Variants in RBM19 observed in about 807,000 individuals in gnomAD.
RBM19 encodes the protein RNA binding motif protein 19, also known as probable RNA-binding protein 19.
A neutral mutation model predicts 116.8 loss-of-function variants in RBM19; 94 were observed. The ratio of observed to expected loss-of-function variants is 0.80; its 90% CI spans 0.68 to 0.95. The LOEUF (loss-of-function observed/expected upper bound fraction) is 0.95, where lower values mean the gene tolerates loss of function less well. Ranked by LOEUF, RBM19 falls within the 40% of genes least tolerant of loss-of-function variation. The probability of loss-of-function intolerance (pLI) is 0.00; values close to 1 mark genes in which losing one functional copy is unlikely to be tolerated. For missense variants in RBM19, 1,161 were observed against 1,220.7 expected (o/e 0.95, Z 0.73); for synonymous variants, 475 against 494.1 (o/e 0.96, Z 0.51).
Position 113,946,345 on chromosome 12 carries a change from A to G in RBM19, c.1529+9T>C. ...GTTGGAGCTCAGTGGTTTCAGGGGC[A>G]CTGAGGACCTGGCACTGTTGGCTTT... On this transcript the variant is annotated intron_variant, in intron 12 of 23. Transcript: ENST00000261741. 13 of 1,614,084 alleles carry G rather than the reference A, an allele frequency of 8.1e-6. No homozygotes were observed. Among genetic ancestry groups the G allele is most frequent in the Non-Finnish European group, 1.0e-5 (12 of 1,179,990 alleles).
At chr12:113,894,312 G>A (rs972971821) in intron 21 of RBM19, among the ~76,000 whole-genome samples, 1 of 152,194 alleles carries the variant, frequency 6.6e-6, no homozygotes, top group African/African-American at 2.4e-5. Flanking sequence ...CTATATTACT[G>A]AGTAAAACTG....
At chr12:113,961,048 G>A (rs547724778) in intron 2 of RBM19, among the ~76,000 whole-genome samples, 1 of 152,242 alleles carries the variant, frequency 6.6e-6, no homozygotes, top group South Asian at 2.1e-4. Flanking sequence ...TAAGACACAG[G>A]GTCTCACTCC....
intron 2 of RBM19, among the ~76,000 whole-genome samples, chr12:113,960,977 A>G (rs904662078): frequency 3.9e-5 from 6 of 152,188 alleles, no homozygotes; most frequent in African/African-American, 1.4e-4. Context: ...GTTAAGGCTG[A>G]CGCTGGTCAA....
At chr12:113,876,942 C>T (rs1015988698) in intron 21 of RBM19, among the ~76,000 whole-genome samples, 5 of 152,188 alleles carry the variant, frequency 3.3e-5, no homozygotes, top group African/African-American at 1.2e-4. Context: ...CCTGTGTCCT[C>T]GGAGCCAGTG....
chr12:113,900,165 A>C (rs949433463), intron 21 of RBM19, among the ~76,000 whole-genome samples: 1 of 152,210 alleles, frequency 6.6e-6, no homozygotes, highest in African/African-American at 2.4e-5. Context: ...TCTCAAAGGA[A>C]GGACGAAAAC....
chr12:113,840,847 C>T (rs574204525), intron 23 of RBM19, among the ~76,000 whole-genome samples: 1 of 152,316 alleles, frequency 6.6e-6, no homozygotes, highest in Admixed American at 6.5e-5. Flanking sequence ...AGAGCTCTGA[C>T]ACTACTCCGC....
chr12:113,959,060 C>A, intron 5 of RBM19, 152 bp downstream of exon 5: 1 of 716,604 alleles, frequency 1.4e-6, no homozygotes, highest in Non-Finnish European at 2.2e-6. Context: ...TCAGTGAAGA[C>A]AGATGCACCT....
chr12:113,824,807 C>T (rs549722525), intron 23 of RBM19, among the ~76,000 whole-genome samples: 1 of 152,252 alleles, frequency 6.6e-6, no homozygotes, highest in Non-Finnish European at 1.5e-5. Flanking sequence ...TTCTCATCAT[C>T]TCCACGGCTG....
intron 23 of RBM19, among the ~76,000 whole-genome samples, chr12:113,828,161 C>T (rs1875045083): frequency 6.6e-6 from 1 of 151,062 alleles, no homozygotes; most frequent in Admixed American, 6.6e-5. Context: ...ACTGTGGGCC[C>T]ACAGAAGAGT....
intron 21 of RBM19, among the ~76,000 whole-genome samples, chr12:113,874,061 G>A (rs775390344): frequency 8.5e-5 from 13 of 152,246 alleles, no homozygotes; most frequent in Non-Finnish European, 1.8e-4. Flanking sequence ...CTCCGACCCA[G>A]GCTGCTTGTC....
At chr12:113,853,030 C>T (rs1014652678) in intron 22 of RBM19, among the ~76,000 whole-genome samples, 1 of 152,218 alleles carries the variant, frequency 6.6e-6, no homozygotes, top group African/African-American at 2.4e-5. Context: ...ATCATTGGTC[C>T]CTTCCACTAC....
intron 21 of RBM19, among the ~76,000 whole-genome samples, chr12:113,869,354 C>A (rs1879055850): frequency 1.3e-5 from 2 of 152,222 alleles, no homozygotes; most frequent in African/African-American, 4.8e-5. Context: ...GACCCAGGCA[C>A]CTCTGCCATC....
chr12:113,864,555 T>A (rs1395908698), intron 21 of RBM19, among the ~76,000 whole-genome samples: 2 of 152,194 alleles, frequency 1.3e-5, no homozygotes, highest in Non-Finnish European at 2.9e-5. Context: ...CTGCCTTGCA[T>A]GGTGTCCTGT....
chr12:113,877,126 A>G (rs1282042909), intron 21 of RBM19, among the ~76,000 whole-genome samples: 1 of 152,182 alleles, frequency 6.6e-6, no homozygotes, highest in Non-Finnish European at 1.5e-5. Context: ...ACTCTCTGCA[A>G]ATCAAGACAG....
chr12:113,952,876 T>C (rs200979042), intron 7 of RBM19, among the ~76,000 whole-genome samples: 4 of 152,320 alleles, frequency 2.6e-5, no homozygotes, highest in East Asian at 1.9e-4. Flanking sequence ...CCCTAGATAA[T>C]TGTATATACT....
At chr12:113,857,001 G>T (rs1877962291) in intron 22 of RBM19, among the ~76,000 whole-genome samples, 1 of 152,214 alleles carries the variant, frequency 6.6e-6, no homozygotes, top group Non-Finnish European at 1.5e-5. Context: ...AGTTTGTATT[G>T]TAACAACAAG....
chr12:113,918,937 A>G (rs1203137622), intron 19 of RBM19, among the ~76,000 whole-genome samples: 4 of 152,242 alleles, frequency 2.6e-5, no homozygotes, highest in African/African-American at 4.8e-5. Context: ...AATACAGCAC[A>G]CAGAGCTTCG....
chr12:113,918,306 G>T, intron 20 of RBM19, 86 bp downstream of exon 20: 2 of 1,294,528 alleles, frequency 1.5e-6, no homozygotes, highest in Non-Finnish European at 2.2e-6. Context: ...ACATTGAAGG[G>T]TTGTGAGACA....
intron 22 of RBM19, among the ~76,000 whole-genome samples, chr12:113,847,350 T>A (rs988786446): frequency 6.6e-6 from 1 of 152,140 alleles, no homozygotes; most frequent in African/African-American, 2.4e-5. Flanking sequence ...CTTTTTTTTT[T>A]AACTTTAATT....
Sources: allele counts gnomAD v4.1 joint callset (sites outside exome capture counted in the v4.1 genomes callset), GRCh38; gene constraint gnomAD v4.1.1; transcripts MANE v1.5; gene names NCBI Gene and HGNC (gene_info 2026-07-23, HGNC 2026-07-21).